Variants in NFIB observed in about 807,000 individuals in gnomAD.
NFIB encodes nuclear factor 1 B-type.
Under a neutral mutation model 61.5 loss-of-function variants are expected in NFIB, and 11 were observed. The ratio of observed to expected loss-of-function variants is 0.18; its 90% CI spans 0.11 to 0.30. The LOEUF (loss-of-function observed/expected upper bound fraction) is 0.30, where lower values mean the gene tolerates loss of function less well. NFIB is among the 10% of genes least tolerant of loss of function. The pLI is 1.00. For missense variants in NFIB, 471 were observed against 608.9 expected (o/e 0.77, Z 2.38); for synonymous variants, 260 against 216.5 (o/e 1.20, Z -1.76).
intron 2 of NFIB, among the ~76,000 whole-genome samples, chr9:14,181,914 G>A (rs566023702): frequency 1.3e-4 from 20 of 152,310 alleles, no homozygotes; most frequent in African/African-American, 4.8e-4. Context: ...TGTAGACTCT[G>A]CATGAGCCTT....
At chr9:14,088,651 T>C (rs2033276496) in intron 10 of NFIB, among the ~76,000 whole-genome samples, 1 of 152,144 alleles carries the variant, frequency 6.6e-6, no homozygotes, top group Admixed American at 6.6e-5. Flanking sequence ...GCAATATCAT[T>C]CTTTTTTGTA....
chr9:14,322,341 G>T (rs1362163238), intron 1 of NFIB: 10 of 255,406 alleles, frequency 3.9e-5, no homozygotes, highest in Admixed American at 1.6e-4. Context: ...ATGTATGTGT[G>T]TGTGTGGTGG....
intron 10 of NFIB, among the ~76,000 whole-genome samples, chr9:14,097,338 T>A (rs1373717002): frequency 6.6e-6 from 1 of 152,044 alleles, no homozygotes; most frequent in Non-Finnish European, 1.5e-5. Context: ...CCCAGAATGG[T>A]GTATAAAAAG....
At chr9:14,422,516 G>A in the NFIB span, among the ~76,000 whole-genome samples, 13 of 152,258 alleles carry the variant, frequency 8.5e-5, no homozygotes, top group East Asian at 3.9e-4. Flanking sequence ...TCAATTGCAC[G>A]TGATAAGCAT....
upstream of NFIB, among the ~76,000 whole-genome samples, chr9:14,400,299 T>C (rs1200447577): frequency 6.6e-6 from 1 of 152,210 alleles, no homozygotes; most frequent in Non-Finnish European, 1.5e-5. Flanking sequence ...GCTAAAAATA[T>C]GTGCATTCAG....
chr9:14,431,272 G>C, the NFIB span, among the ~76,000 whole-genome samples: 1 of 152,124 alleles, frequency 6.6e-6, no homozygotes. Flanking sequence ...GAGTGAACCA[G>C]GACTGCAAAC....
chr9:14,212,216 G>T (rs1239117836), intron 2 of NFIB, among the ~76,000 whole-genome samples: 2 of 152,158 alleles, frequency 1.3e-5, no homozygotes, highest in African/African-American at 4.8e-5. Context: ...CAAATAATTA[G>T]AATACTTATT....
chr9:14,492,257 G>A, the NFIB span, among the ~76,000 whole-genome samples: 2 of 151,928 alleles, frequency 1.3e-5, no homozygotes, highest in African/African-American at 4.8e-5. Flanking sequence ...CAGCTACTCG[G>A]GAGGCTGAGG....
At chr9:14,352,477 C>G (rs933054707) in intron 1 of NFIB, among the ~76,000 whole-genome samples, 2 of 152,172 alleles carry the variant, frequency 1.3e-5, no homozygotes, top group East Asian at 1.9e-4. Flanking sequence ...TTGACATCAC[C>G]GCTTCTTTTG....
intron 1 of NFIB, among the ~76,000 whole-genome samples, chr9:14,397,652 T>C (rs980150063): frequency 6.6e-6 from 1 of 152,336 alleles, no homozygotes; most frequent in South Asian, 2.1e-4. Flanking sequence ...TGCTTATTAC[T>C]TTGTAACCAT....
chr9:14,142,482 C>T (rs913939783), intron 6 of NFIB, among the ~76,000 whole-genome samples: 4 of 152,078 alleles, frequency 2.6e-5, no homozygotes, highest in Non-Finnish European at 5.9e-5. Context: ...CACTGAGCAA[C>T]GGAATACAAC....
chr9:14,334,380 C>G (rs1234675096), intron 1 of NFIB, among the ~76,000 whole-genome samples: 1 of 152,302 alleles, frequency 6.6e-6, no homozygotes, highest in East Asian at 1.9e-4. Flanking sequence ...AGACTATATT[C>G]CAACGTATAG....
the NFIB span, among the ~76,000 whole-genome samples, chr9:14,417,053 C>A: frequency 6.6e-6 from 1 of 151,316 alleles, no homozygotes; most frequent in Non-Finnish European, 1.5e-5. Flanking sequence ...TCACCACACC[C>A]GGCTAATTTT....
At chr9:14,403,132 C>T (rs1487783851), upstream of NFIB, among the ~76,000 whole-genome samples, 1 of 152,158 alleles carries the variant, frequency 6.6e-6, no homozygotes, top group South Asian at 2.1e-4. Flanking sequence ...GTTCTTGCAC[C>T]TTTATCCCAG....
chr9:14,391,044 T>C (rs1187396578), intron 1 of NFIB, among the ~76,000 whole-genome samples: 1 of 152,172 alleles, frequency 6.6e-6, no homozygotes, highest in Non-Finnish European at 1.5e-5. Flanking sequence ...TATCAATTTG[T>C]ACAGATACTT....
chr9:14,141,925 AACAAC>A (rs1303508244), intron 6 of NFIB, among the ~76,000 whole-genome samples: 1 of 91,084 alleles, frequency 1.1e-5, no homozygotes, highest in Non-Finnish European at 2.0e-5. Context: ...AAAAAAAAAA[AACAAC>A]GAAATCCCCA....
chr9:14,170,151 A>C (rs2045406456), intron 3 of NFIB, among the ~76,000 whole-genome samples: 1 of 152,192 alleles, frequency 6.6e-6, no homozygotes. Context: ...AACTTCTGCA[A>C]AGTTCAGTGA....
intron 1 of NFIB, chr9:14,362,153 T>C (rs968573951): frequency 9.2e-5 from 14 of 152,186 alleles, no homozygotes; most frequent in African/African-American, 3.1e-4. Context: ...TTCTAACATG[T>C]CTTTTTAAAA....
the NFIB span, among the ~76,000 whole-genome samples, chr9:14,498,060 T>G: frequency 1.3e-5 from 2 of 152,226 alleles, no homozygotes; most frequent in Non-Finnish European, 2.9e-5. Context: ...TTTATGTCAC[T>G]TGCAACTAAA....
Sources: gnomAD v4.1 joint callset for allele counts (sites outside exome capture counted in the v4.1 genomes callset) on GRCh38, gnomAD v4.1.1 for gene constraint, MANE v1.5 for transcripts, NCBI Gene and HGNC (gene_info 2026-07-23, HGNC 2026-07-21) for gene names.